SHISA9: variants seen among roughly 807,000 people sequenced by gnomAD.
The protein encoded by SHISA9 is shisa family member 9, also known as protein shisa-9.
In SHISA9, 13 loss-of-function variants were observed where a neutral mutation model predicts 38.0. The ratio of observed to expected loss-of-function variants is 0.34; its 90% CI spans 0.22 to 0.54. SHISA9 has a LOEUF of 0.54. Ranked by LOEUF, SHISA9 falls within the 20% of genes least tolerant of loss-of-function variation. The pLI is 0.91. For synonymous variants in SHISA9, 275 were observed against 242.0 expected (o/e 1.14, Z -1.27); for missense variants, 538 against 575.8 (o/e 0.93, Z 0.67).
intron 2 of SHISA9, among the ~76,000 whole-genome samples, chr16:13,026,985 C>T (rs1241749603): frequency 6.6e-6 from 1 of 152,152 alleles, no homozygotes; most frequent in Non-Finnish European, 1.5e-5. Context: ...TTCAAGGTAC[C>T]ATAACTACCT....
chr16:13,559,309 A>T, the SHISA9 span, among the ~76,000 whole-genome samples: 1 of 152,082 alleles, frequency 6.6e-6, no homozygotes, highest in South Asian at 2.1e-4. Context: ...AAGGGTAGTG[A>T]TTAGCCCAAG....
the SHISA9 span, among the ~76,000 whole-genome samples, chr16:13,446,743 G>A: frequency 6.6e-6 from 1 of 152,042 alleles, no homozygotes; most frequent in Non-Finnish European, 1.5e-5. Flanking sequence ...TTGGGAGGCC[G>A]AGGCGGGTGG....
intron 2 of SHISA9, among the ~76,000 whole-genome samples, chr16:13,166,228 T>C (rs2050634405): frequency 6.6e-6 from 1 of 152,220 alleles, no homozygotes; most frequent in African/African-American, 2.4e-5. Context: ...AACGTCAGAC[T>C]TCTAAGAGTT....
chr16:13,088,119 A>T (rs994508314), intron 2 of SHISA9, among the ~76,000 whole-genome samples: 5 of 152,184 alleles, frequency 3.3e-5, no homozygotes, highest in African/African-American at 1.2e-4. Flanking sequence ...TTCATCAAAG[A>T]TCAGATGGTT....
chr16:13,205,735 T>A (rs1239319615), intron 3 of SHISA9, among the ~76,000 whole-genome samples: 2 of 152,140 alleles, frequency 1.3e-5, no homozygotes, highest in African/African-American at 4.8e-5. Flanking sequence ...TCTTAGAGCA[T>A]GCTCAGATAT....
At chr16:13,204,835 G>A (rs910993868) in intron 3 of SHISA9, 3 of 152,226 alleles carry the variant, frequency 2.0e-5, no homozygotes, top group African/African-American at 7.2e-5. Flanking sequence ...TGACAGAGCT[G>A]AGAATTGAAC....
At chr16:13,232,941 T>G (rs2051346181) in intron 4 of SHISA9, among the ~76,000 whole-genome samples, 1 of 152,156 alleles carries the variant, frequency 6.6e-6, no homozygotes, top group Non-Finnish European at 1.5e-5. Context: ...TGGGAGGGCC[T>G]GGAAGAAAAA....
chr16:13,083,074 C>T (rs148150066), intron 2 of SHISA9, among the ~76,000 whole-genome samples: 1 of 152,300 alleles, frequency 6.6e-6, no homozygotes, highest in African/African-American at 2.4e-5. Flanking sequence ...GCCAAGTAAG[C>T]CTGTGCTCCC....
chr16:13,429,500 C>G, the SHISA9 span, among the ~76,000 whole-genome samples: 1 of 152,188 alleles, frequency 6.6e-6, no homozygotes, highest in Non-Finnish European at 1.5e-5. Flanking sequence ...CTTTGCATGT[C>G]TGTCCCTATG....
chr16:13,525,589 C>G, the SHISA9 span, among the ~76,000 whole-genome samples: 2 of 152,216 alleles, frequency 1.3e-5, no homozygotes, highest in Non-Finnish European at 2.9e-5. Flanking sequence ...AATTTCTTAC[C>G]ACATCCACCC....
chr16:13,518,158 G>A, the SHISA9 span, among the ~76,000 whole-genome samples: 2 of 152,010 alleles, frequency 1.3e-5, no homozygotes, highest in African/African-American at 4.8e-5. Context: ...TAGGCCAGGG[G>A]AGCTGCCCTG....
At chr16:13,483,653 T>A in the SHISA9 span, among the ~76,000 whole-genome samples, 3 of 152,048 alleles carry the variant, frequency 2.0e-5, no homozygotes, top group Non-Finnish European at 2.9e-5. Flanking sequence ...TCTTTCTGAT[T>A]GTGGGTCTTA....
chr16:13,379,452 G>A, the SHISA9 span, among the ~76,000 whole-genome samples: 9 of 152,084 alleles, frequency 5.9e-5, no homozygotes, highest in East Asian at 7.7e-4. Flanking sequence ...AGGTCCCCCC[G>A]CCACTTCCCT....
chr16:13,121,688 C>G (rs574891195), intron 2 of SHISA9, among the ~76,000 whole-genome samples: 3 of 152,176 alleles, frequency 2.0e-5, no homozygotes, highest in African/African-American at 7.2e-5. Flanking sequence ...CAAACTGCAT[C>G]AATGCTAACT....
At chr16:13,546,940 C>T in the SHISA9 span, among the ~76,000 whole-genome samples, 5 of 152,194 alleles carry the variant, frequency 3.3e-5, no homozygotes, top group Non-Finnish European at 5.9e-5. Context: ...TCTCCAATTT[C>T]CTGCTGTGCT....
At chr16:13,471,530 A>G in the SHISA9 span, among the ~76,000 whole-genome samples, 1 of 152,156 alleles carries the variant, frequency 6.6e-6, no homozygotes, top group South Asian at 2.1e-4. Flanking sequence ...TGAAGTGGAA[A>G]AAGTCTCTGC....
chr16:13,019,927 CTTT>C (rs1479032193), intron 2 of SHISA9, among the ~76,000 whole-genome samples: 1,059 of 92,456 alleles, frequency 0.011, 28 homozygotes, highest in Non-Finnish European at 0.019. Context: ...TTCTTTCTTT[CTTT>C]CTTTCTTTCT....
intron 2 of SHISA9, among the ~76,000 whole-genome samples, chr16:13,009,732 G>A (rs1204742779): frequency 6.6e-6 from 1 of 152,054 alleles, no homozygotes. Context: ...TGCCTGCAAG[G>A]GCCAAGCAGC....
the SHISA9 span, among the ~76,000 whole-genome samples, chr16:13,320,080 C>A: frequency 6.6e-6 from 1 of 151,784 alleles, no homozygotes; most frequent in Non-Finnish European, 1.5e-5. Flanking sequence ...ATCACGAGGT[C>A]AGGAGATCGA....
Sources: allele counts gnomAD v4.1 joint callset (sites outside exome capture counted in the v4.1 genomes callset), GRCh38; gene constraint gnomAD v4.1.1; transcripts MANE v1.5; gene names NCBI Gene and HGNC (gene_info 2026-07-23, HGNC 2026-07-21).